Variants in ANKRD30BL observed in about 807,000 individuals in gnomAD.
The protein encoded by ANKRD30BL is putative ankyrin repeat domain-containing protein 30B-like.
A neutral mutation model predicts 18.4 loss-of-function variants in ANKRD30BL; 20 were observed. That is an observed-to-expected ratio of 1.09 (90% confidence interval 0.77 to 1.58). ANKRD30BL has a LOEUF of 1.58. Ranked by LOEUF, ANKRD30BL falls within the 40% of genes most tolerant of loss-of-function variation. The probability of loss-of-function intolerance (pLI) is 0.00; values close to 1 mark genes in which losing one functional copy is unlikely to be tolerated. For missense variants in ANKRD30BL, 224 were observed against 268.6 expected (o/e 0.83, Z 1.16); for synonymous variants, 72 against 100.9 (o/e 0.71, Z 1.72).
chr2:132,182,425 T>C (rs1373635175), intron 1 of ANKRD30BL, among the ~76,000 whole-genome samples: 1 of 149,562 alleles, frequency 6.7e-6, no homozygotes, highest in African/African-American at 2.5e-5. Flanking sequence ...GAGCTTGCAG[T>C]GAGCCAAGAC....
intron 1 of ANKRD30BL, among the ~76,000 whole-genome samples, chr2:132,220,752 A>G (rs1450886663): frequency 6.6e-6 from 1 of 151,842 alleles, no homozygotes; most frequent in East Asian, 2.0e-4. Context: ...GACCTCCCAA[A>G]GAGCCGAGAT....
At chr2:132,172,419 AAT>A (rs1175678609) in intron 1 of ANKRD30BL, among the ~76,000 whole-genome samples, 4 of 152,128 alleles carry the variant, frequency 2.6e-5, no homozygotes, top group Non-Finnish European at 4.4e-5. Flanking sequence ...TAATAATCCT[AAT>A]GGGTGTGAAA....
intron 1 of ANKRD30BL, among the ~76,000 whole-genome samples, chr2:132,160,104 A>G (rs1688013610): frequency 6.6e-6 from 1 of 151,762 alleles, no homozygotes; most frequent in African/African-American, 2.4e-5. Context: ...ATAATTTGTG[A>G]TTTATTTATT....
At chr2:132,165,421 C>T (rs796844122), upstream of ANKRD30BL, among the ~76,000 whole-genome samples, 2 of 151,766 alleles carry the variant, frequency 1.3e-5, no homozygotes, top group Non-Finnish European at 2.9e-5. Flanking sequence ...CAGCCAGGCG[C>T]GGTGGCTCAC....
At chr2:132,185,795 T>C (rs969054303) in intron 1 of ANKRD30BL, among the ~76,000 whole-genome samples, 6 of 152,186 alleles carry the variant, frequency 3.9e-5, no homozygotes, top group Non-Finnish European at 8.8e-5. Flanking sequence ...CTATAGTTCA[T>C]AGAGAATACA....
intron 1 of ANKRD30BL, among the ~76,000 whole-genome samples, chr2:132,187,180 T>TTTTTG (rs1558924468): frequency 4.0e-4 from 56 of 140,870 alleles, no homozygotes; most frequent in African/African-American, 1.4e-3. Context: ...TTGTTTTTTT[T>TTTTTG]TTTGTTTGTT....
intron 1 of ANKRD30BL, among the ~76,000 whole-genome samples, chr2:132,221,691 T>A (rs1323208274): frequency 1.2e-5 from 1 of 85,590 alleles, no homozygotes; most frequent in Non-Finnish European, 2.1e-5. Context: ...GGGAGGGAGG[T>A]GGGGGGATCA....
intron 1 of ANKRD30BL, among the ~76,000 whole-genome samples, chr2:132,200,182 A>G (rs1417859793): frequency 2.0e-5 from 3 of 151,834 alleles, no homozygotes; most frequent in Non-Finnish European, 4.4e-5. Context: ...CCCACAGCCA[A>G]TATCATACTG....
chr2:132,148,845 T>C (rs923659622), intron 5 of ANKRD30BL, among the ~76,000 whole-genome samples: 2 of 151,930 alleles, frequency 1.3e-5, no homozygotes, highest in Non-Finnish European at 2.9e-5. Flanking sequence ...ACAAGAAAAA[T>C]GCTAAGTACC....
At chr2:132,173,537 T>C (rs1199208840) in intron 1 of ANKRD30BL, among the ~76,000 whole-genome samples, 1 of 152,046 alleles carries the variant, frequency 6.6e-6, no homozygotes, top group Non-Finnish European at 1.5e-5. Flanking sequence ...CACCTCGTGA[T>C]CCACCCGCCT....
intron 1 of ANKRD30BL, among the ~76,000 whole-genome samples, chr2:132,242,896 A>G (rs1265722379): frequency 4.0e-5 from 6 of 151,738 alleles, no homozygotes; most frequent in Admixed American, 1.3e-4. Flanking sequence ...CAAAAAAAGT[A>G]GACAGAAGCA....
intron 1 of ANKRD30BL, among the ~76,000 whole-genome samples, chr2:132,248,094 T>G (rs578171798): frequency 6.6e-6 from 1 of 152,066 alleles, no homozygotes; most frequent in South Asian, 2.1e-4. Context: ...AGTTATTATG[T>G]GAAGACATTT....
upstream of ANKRD30BL, among the ~76,000 whole-genome samples, chr2:132,166,310 T>C (rs1688186148): frequency 6.6e-6 from 1 of 152,058 alleles, no homozygotes; most frequent in Non-Finnish European, 1.5e-5. Context: ...CCTCACAGAA[T>C]GAATTAGGAT....
chr2:132,167,374 TG>T (rs1688208224), intron 1 of ANKRD30BL, among the ~76,000 whole-genome samples: 1 of 151,614 alleles, frequency 6.6e-6, no homozygotes, highest in South Asian at 2.1e-4. Flanking sequence ...TCACACAGGC[TG>T]GAGTGCAGTG....
chr2:132,229,650 C>T (rs1679951513), intron 1 of ANKRD30BL, among the ~76,000 whole-genome samples: 1 of 152,006 alleles, frequency 6.6e-6, no homozygotes, highest in Non-Finnish European at 1.5e-5. Flanking sequence ...GAAGCATTCT[C>T]AGAAACTTCT....
chr2:132,181,383 G>A (rs574083727), intron 1 of ANKRD30BL, among the ~76,000 whole-genome samples: 8 of 151,642 alleles, frequency 5.3e-5, no homozygotes, highest in Non-Finnish European at 4.4e-5. Context: ...CTGAGCATGA[G>A]AATCACTTGA....
rs541475558 is a variant in ANKRD30BL at position 132,207,639 on chromosome 2, G to T, written n.441+49890C>A. ...ACAGGGAAAGAACATGATAGAAATA[G>T]ACTTTCAGAAGGAAGGGCCTTCCAT... On this transcript the variant is annotated intron_variant and non_coding_transcript_variant, in intron 1 of 4. Transcript: ENST00000470729. Among the ~76,000 whole-genome samples the T allele has an allele frequency of 2.2e-3, 329 of 152,222 alleles. 1 individual carries two copies. The highest frequency in any genetic ancestry group is 7.5e-3 in the African/African-American group (310 of 41,542).
intron 1 of ANKRD30BL, among the ~76,000 whole-genome samples, chr2:132,188,390 G>A (rs1678751805): frequency 6.6e-6 from 1 of 152,180 alleles, no homozygotes; most frequent in Non-Finnish European, 1.5e-5. Flanking sequence ...TAGAAAGCGA[G>A]TAAGGAAAGT....
Position 132,208,711 on chromosome 2 carries a change from C to A in ANKRD30BL, n.441+48818G>T, listed in dbSNP as rs200790810. Among the ~76,000 whole-genome samples the A allele has an allele frequency of 8.6e-5, 13 of 151,594 alleles. No individual in the cohort carries two copies. In the East Asian group the frequency reaches 2.5e-3, roughly 29 times the overall value. On this transcript the variant is annotated intron_variant and non_coding_transcript_variant, in intron 1 of 4. Transcript: ENST00000470729. ...TGTATTCACTAAAGCAAGGAGACTA[C>A]ATCTGGATTTTAAATGTGTGCCCTC...
Sources: allele counts gnomAD v4.1 joint callset (sites outside exome capture counted in the v4.1 genomes callset), GRCh38; gene constraint gnomAD v4.1.1; transcripts MANE v1.5; gene names NCBI Gene and HGNC (gene_info 2026-07-23, HGNC 2026-07-21).